The following FIP1L1 variants were observed in gnomAD, a reference collection of about 807,000 sequenced individuals.
FIP1L1 encodes factor interacting with PAPOLA and CPSF1.
Under a neutral mutation model 84.6 loss-of-function variants are expected in FIP1L1, and 21 were observed. The observed-to-expected ratio is 0.25, with a 90% CI of 0.18 to 0.36. The LOEUF is 0.36. FIP1L1 is among the 10% of genes least tolerant of loss of function. FIP1L1 has a pLI of 1.00. For synonymous variants in FIP1L1, 263 were observed against 242.3 expected (o/e 1.09, Z -0.80); for missense variants, 526 against 751.1 (o/e 0.70, Z 3.50).
intron 5 of FIP1L1, among the ~76,000 whole-genome samples, chr4:53,387,697 C>T (rs540297164): frequency 1.3e-4 from 20 of 152,310 alleles, no homozygotes; most frequent in African/African-American, 4.6e-4. Context: ...ATTTATTGAA[C>T]ACTTGTGGCT....
At chr4:53,455,931 CTA>C (rs534521136) in intron 16 of FIP1L1, among the ~76,000 whole-genome samples, 13 of 152,162 alleles carry the variant, frequency 8.5e-5, no homozygotes, top group African/African-American at 3.1e-4. Flanking sequence ...TAAGTAAACA[CTA>C]TGACACATGC....
chr4:53,456,638 G>A (rs1295789052), intron 16 of FIP1L1, among the ~76,000 whole-genome samples: 1 of 152,126 alleles, frequency 6.6e-6, no homozygotes, highest in East Asian at 1.9e-4. Flanking sequence ...CTGTTTTTTA[G>A]GGAGCTTAAT....
At chr4:53,411,744 T>C (rs1301579868) in intron 10 of FIP1L1, among the ~76,000 whole-genome samples, 1 of 152,152 alleles carries the variant, frequency 6.6e-6, no homozygotes, top group Non-Finnish European at 1.5e-5. Flanking sequence ...TTTCGTACTT[T>C]ATCAATAGAA....
At chr4:53,404,345 A>T (rs1340920609) in intron 10 of FIP1L1, among the ~76,000 whole-genome samples, 1 of 151,708 alleles carries the variant, frequency 6.6e-6, no homozygotes, top group Non-Finnish European at 1.5e-5. Context: ...TGAACTCATC[A>T]TTTTTTTATG....
intron 10 of FIP1L1, among the ~76,000 whole-genome samples, chr4:53,400,491 A>G (rs757230695): frequency 2.6e-5 from 4 of 152,234 alleles, no homozygotes; most frequent in Non-Finnish European, 5.9e-5. Context: ...TGGACTAGAT[A>G]AGATGACTAA....
chr4:53,418,924 A>G (rs977168240), intron 11 of FIP1L1, among the ~76,000 whole-genome samples: 1 of 152,220 alleles, frequency 6.6e-6, no homozygotes, highest in Non-Finnish European at 1.5e-5. Flanking sequence ...TACTGAAAAG[A>G]TGTGCCCATA....
intron 9 of FIP1L1, among the ~76,000 whole-genome samples, chr4:53,398,478 G>C (rs1323432434): frequency 6.6e-6 from 1 of 152,206 alleles, no homozygotes; most frequent in Non-Finnish European, 1.5e-5. Context: ...TTGGGAGGTA[G>C]ATGATTTTGG....
At chr4:53,384,778 T>G (rs1257926218) in intron 5 of FIP1L1, among the ~76,000 whole-genome samples, 2 of 152,170 alleles carry the variant, frequency 1.3e-5, no homozygotes, top group Non-Finnish European at 2.9e-5. Flanking sequence ...AGAATAAGAG[T>G]CAATGTGTTT....
At chr4:53,407,541 C>T (rs1410510723) in intron 10 of FIP1L1, among the ~76,000 whole-genome samples, 2 of 151,610 alleles carry the variant, frequency 1.3e-5, no homozygotes, top group African/African-American at 2.4e-5. Context: ...TGGTGCAGAG[C>T]TGAGTTCAAG....
At chr4:53,386,787 G>T (rs1741319206) in intron 5 of FIP1L1, among the ~76,000 whole-genome samples, 1 of 152,162 alleles carries the variant, frequency 6.6e-6, no homozygotes, top group Admixed American at 6.5e-5. Flanking sequence ...GACCTTGCAA[G>T]CTTGTCCAAT....
intron 3 of FIP1L1, among the ~76,000 whole-genome samples, chr4:53,380,154 CAT>C (rs1737025789): frequency 7.2e-6 from 1 of 139,224 alleles, no homozygotes; most frequent in African/African-American, 2.5e-5. Context: ...GGAATGAAAA[CAT>C]ATTCAGACAA....
chr4:53,409,708 C>G (rs904433052), intron 10 of FIP1L1, among the ~76,000 whole-genome samples: 8 of 152,228 alleles, frequency 5.3e-5, no homozygotes, highest in Non-Finnish European at 1.2e-4. Context: ...GCGCCCCTCC[C>G]CCAGCCTCGC....
intron 10 of FIP1L1, among the ~76,000 whole-genome samples, chr4:53,403,723 A>T (rs2149535967): frequency 6.6e-6 from 1 of 152,292 alleles, no homozygotes; most frequent in South Asian, 2.1e-4. Flanking sequence ...TGGTTGTGCA[A>T]CATGCGGTTG....
intron 11 of FIP1L1, among the ~76,000 whole-genome samples, chr4:53,420,214 A>AAAAAAACC (rs1560540772): frequency 6.8e-6 from 1 of 146,508 alleles, no homozygotes; most frequent in African/African-American, 2.5e-5. Context: ...AAAAAAAAAA[A>AAAAAAACC]AAAAAAAAAA....
chr4:53,451,931 C>G (rs1176931889), intron 15 of FIP1L1, among the ~76,000 whole-genome samples: 2 of 150,604 alleles, frequency 1.3e-5, no homozygotes, highest in Non-Finnish European at 1.5e-5. Flanking sequence ...TTGCCCAGTC[C>G]GGAGTATAGT....
At chr4:53,401,082 T>G (rs1350282261) in intron 10 of FIP1L1, among the ~76,000 whole-genome samples, 1 of 152,206 alleles carries the variant, frequency 6.6e-6, no homozygotes, top group Admixed American at 6.6e-5. Flanking sequence ...TTTCTTAATC[T>G]GTAAAATGTA....
chr4:53,426,046 C>A, intron 12 of FIP1L1, 81 bp downstream of exon 12: 1 of 947,878 alleles, frequency 1.1e-6, no homozygotes, highest in Non-Finnish European at 1.6e-6. Context: ...AATAGATAGT[C>A]ATAGTGCTAT....
At chr4:53,405,967 G>A (rs1018066474) in intron 10 of FIP1L1, among the ~76,000 whole-genome samples, 1 of 151,982 alleles carries the variant, frequency 6.6e-6, no homozygotes, top group African/African-American at 2.4e-5. Context: ...GGGACAATTT[G>A]ACTTCCTCTT....
intron 8 of FIP1L1, 69 bp downstream of exon 8, chr4:53,391,208 G>T (rs557643429): frequency 9.7e-5 from 146 of 1,498,540 alleles, no homozygotes; most frequent in Non-Finnish European, 1.3e-4. Flanking sequence ...CAAATAAATC[G>T]CTTCCCTATA....
Sources: allele counts gnomAD v4.1 joint callset (sites outside exome capture counted in the v4.1 genomes callset), GRCh38; gene constraint gnomAD v4.1.1; transcripts MANE v1.5; gene names NCBI Gene and HGNC (gene_info 2026-07-23, HGNC 2026-07-21).